ERG: variants seen among roughly 807,000 people sequenced by gnomAD.
ERG encodes ETS transcription factor ERG, also known as transcriptional regulator ERG.
A neutral mutation model predicts 55.3 loss-of-function variants in ERG; 9 were observed. That is an observed-to-expected ratio of 0.16 (90% CI 0.10 to 0.28). The LOEUF (loss-of-function observed/expected upper bound fraction) is 0.28, where lower values mean the gene tolerates loss of function less well. ERG is among the 10% of genes least tolerant of loss of function. The pLI is 1.00. For synonymous variants in ERG, 223 were observed against 237.3 expected, an observed-to-expected ratio of 0.94 and a Z score of 0.55; for missense variants, 434 against 631.6, an observed-to-expected ratio of 0.69 and a Z score of 3.35.
intron 1 of ERG, among the ~76,000 whole-genome samples, chr21:38,458,961 C>A (rs771120129): frequency 3.3e-5 from 5 of 152,188 alleles, no homozygotes; most frequent in African/African-American, 1.2e-4. Context: ...GTTGGCCACT[C>A]TCCCCTTTTT....
At chr21:38,603,316 T>A (rs1335846956) in intron 1 of ERG, among the ~76,000 whole-genome samples, 1 of 151,886 alleles carries the variant, frequency 6.6e-6, no homozygotes, top group African/African-American at 2.4e-5. Context: ...TCAGATAAAA[T>A]CCGATTAAAA....
intron 3 of ERG, among the ~76,000 whole-genome samples, chr21:38,412,428 T>C (rs765222688): frequency 4.6e-5 from 7 of 152,212 alleles, no homozygotes; most frequent in Non-Finnish European, 8.8e-5. Context: ...GAATCATCCA[T>C]CTCTGATTTT....
intron 2 of ERG, among the ~76,000 whole-genome samples, chr21:38,535,168 A>C (rs1465188199): frequency 6.6e-6 from 1 of 152,176 alleles, no homozygotes; most frequent in Non-Finnish European, 1.5e-5. Context: ...GCTGCGTGAA[A>C]TAAACCAGTC....
At chr21:38,468,988 AAAAAAAAAAAAAAG>A (rs1355277648) in intron 1 of ERG, among the ~76,000 whole-genome samples, 13 of 71,504 alleles carry the variant, frequency 1.8e-4, no homozygotes, top group Non-Finnish European at 4.9e-4. Flanking sequence ...GTCTCAAAAA[AAAAAAAAAAAAAAG>A]AAAAAAAAAA....
At chr21:38,609,939 TG>T (rs1179313963) in intron 1 of ERG, among the ~76,000 whole-genome samples, 6 of 152,244 alleles carry the variant, frequency 3.9e-5, no homozygotes, top group Non-Finnish European at 8.8e-5. Context: ...TTATTATGAC[TG>T]GACTTTTGTA....
chr21:38,504,287 C>G (rs993792613), intron 2 of ERG, among the ~76,000 whole-genome samples: 1 of 152,124 alleles, frequency 6.6e-6, no homozygotes, highest in African/African-American at 2.4e-5. Flanking sequence ...TCCCATGGAG[C>G]AATGATTTCA....
chr21:38,632,919 T>C (rs1376836248), intron 1 of ERG, among the ~76,000 whole-genome samples: 1 of 152,196 alleles, frequency 6.6e-6, no homozygotes, highest in East Asian at 1.9e-4. Context: ...CTGAGATAGA[T>C]ATTTGCATAC....
chr21:38,643,403 AG>A (rs976528184), intron 1 of ERG, among the ~76,000 whole-genome samples: 3 of 152,200 alleles, frequency 2.0e-5, no homozygotes, highest in African/African-American at 7.2e-5. Context: ...ACTCGCTCAT[AG>A]GACACACAGG....
intron 6 of ERG, 46 bp downstream of exon 6, chr21:38,400,528 C>A: frequency 6.9e-7 from 1 of 1,458,188 alleles, no homozygotes; most frequent in Non-Finnish European, 9.6e-7. Flanking sequence ...AGCAGGACAT[C>A]TGGGATGTCT....
At chr21:38,639,602 A>C (rs2060411139) in intron 1 of ERG, among the ~76,000 whole-genome samples, 1 of 152,208 alleles carries the variant, frequency 6.6e-6, no homozygotes, top group Non-Finnish European at 1.5e-5. Context: ...AATAAAAGGA[A>C]GAAGACCCTA....
chr21:38,540,219 T>A (rs906751754), intron 2 of ERG, among the ~76,000 whole-genome samples: 88 of 152,280 alleles, frequency 5.8e-4, no homozygotes, highest in Admixed American at 1.4e-3. Flanking sequence ...TTCAAACATA[T>A]TTGGTTTCTT....
intron 2 of ERG, among the ~76,000 whole-genome samples, chr21:38,520,908 A>C (rs185608065): frequency 1.3e-5 from 2 of 152,312 alleles, no homozygotes; most frequent in African/African-American, 2.4e-5. Flanking sequence ...GTGCTCATAG[A>C]TATACATGTT....
At chr21:38,592,123 C>A (rs761376412) in intron 1 of ERG, among the ~76,000 whole-genome samples, 30 of 152,246 alleles carry the variant, frequency 2.0e-4, no homozygotes, top group Admixed American at 1.0e-3. Flanking sequence ...TGGCTAACAA[C>A]AGGCTCTCAC....
chr21:38,374,716 A>T, the ERG span, among the ~76,000 whole-genome samples: 50,655 of 151,970 alleles, frequency 0.33, 8,992 homozygotes, highest in African/African-American at 0.46. Flanking sequence ...AGAAGTGCCA[A>T]GACTTTTCAG....
rs1169205037 is a variant in ERG at position 38,382,891 on chromosome 21, T to C, written c.*512A>G. ...AAACAGCACATGCCATGCAGTTGCATATCAACGTCTGTTGATGGGCCACAG... is the reference window on the plus strand; with the variant it reads ...AAACAGCACATGCCATGCAGTTGCACATCAACGTCTGTTGATGGGCCACAG... On this transcript the variant is annotated 3_prime_UTR_variant, in exon 10 of 10. Coordinates refer to ENST00000288319, the MANE Select transcript of ERG (RefSeq NM_182918.4). The C allele has an allele frequency of 4.7e-6, 5 of 1,066,470 alleles. No homozygotes were observed. Among genetic ancestry groups the C allele is most frequent in the Non-Finnish European group, 5.7e-6 (5 of 879,790 alleles). 66.1% of individuals were successfully genotyped at this position (1,066,470 alleles called of 1,614,324 possible). A position where few individuals can be genotyped will look rare whatever the true frequency, so the allele number is the denominator to read the frequency against.
chr21:38,415,723 TCA>T (rs1221938751), intron 3 of ERG, among the ~76,000 whole-genome samples: 3 of 152,140 alleles, frequency 2.0e-5, no homozygotes, highest in African/African-American at 7.2e-5. Flanking sequence ...TTCACCTCTC[TCA>T]GTCTTGGTTT....
chr21:38,529,135 T>C (rs1392566723), intron 2 of ERG, among the ~76,000 whole-genome samples: 2 of 151,976 alleles, frequency 1.3e-5, no homozygotes, highest in Admixed American at 6.6e-5. Flanking sequence ...CTTGGCAACA[T>C]GAACAGGAGC....
chr21:38,642,459 C>T (rs2060431124), intron 1 of ERG, among the ~76,000 whole-genome samples: 2 of 83,644 alleles, frequency 2.4e-5, no homozygotes, highest in Non-Finnish European at 2.3e-5. Flanking sequence ...TTTCACCTCA[C>T]ACCCCACCCT....
At chr21:38,627,943 C>CCTTTTTT (rs1555876063) in intron 1 of ERG, among the ~76,000 whole-genome samples, 3 of 142,628 alleles carry the variant, frequency 2.1e-5, no homozygotes, top group Non-Finnish European at 1.5e-5. Flanking sequence ...GTTTTCTCTT[C>CCTTTTTT]TTTTTTTTTT....
Sources: gnomAD v4.1 joint callset for allele counts (sites outside exome capture counted in the v4.1 genomes callset) on GRCh38, gnomAD v4.1.1 for gene constraint, MANE v1.5 for transcripts, NCBI Gene and HGNC (gene_info 2026-07-23, HGNC 2026-07-21) for gene names.